GGACT: variants seen among roughly 807,000 people sequenced by gnomAD.
The protein encoded by GGACT is gamma-glutamylaminecyclotransferase.
For synonymous variants in GGACT, 118 were observed against 115.3 expected, an observed-to-expected ratio of 1.02 and a Z score of -0.15; for missense variants, 241 against 233.2, an observed-to-expected ratio of 1.03 and a Z score of -0.22.
intron 2 of GGACT, among the ~76,000 whole-genome samples, chr13:100,544,342 C>T (rs936358920): frequency 6.6e-5 from 10 of 152,234 alleles, no homozygotes; most frequent in African/African-American, 2.4e-4. Context: ...GTCACTCTTC[C>T]CCGCGCGGCT....
chr13:100,547,585 T>C (rs1396833376), intron 2 of GGACT, among the ~76,000 whole-genome samples: 2 of 152,246 alleles, frequency 1.3e-5, no homozygotes, highest in African/African-American at 4.8e-5. Context: ...GCAGGCTTCA[T>C]AGCCCCGAAT....
chr13:100,551,509 G>C (rs1379014424), intron 2 of GGACT, among the ~76,000 whole-genome samples: 1 of 152,202 alleles, frequency 6.6e-6, no homozygotes, highest in African/African-American at 2.4e-5. Context: ...GAAGGAAAAA[G>C]GGATTTCTCC....
At chr13:100,584,145 T>A (rs1009618056) in intron 1 of GGACT, 148 bp from the exon 2 acceptor site, 4 of 152,166 alleles carry the variant, frequency 2.6e-5, no homozygotes, top group Admixed American at 2.6e-4. Context: ...AATATACTTA[T>A]ATTCAGTGCA....
chr13:100,554,393 A>C (rs2088694445), intron 2 of GGACT, among the ~76,000 whole-genome samples: 1 of 152,198 alleles, frequency 6.6e-6, no homozygotes, highest in African/African-American at 2.4e-5. Context: ...AAGACAGTTT[A>C]TTGCATTAGA....
At chr13:100,533,505 A>T (rs1374164185) in intron 2 of GGACT, 2 of 152,260 alleles carry the variant, frequency 1.3e-5, no homozygotes, top group Admixed American at 1.3e-4. Context: ...AAAATTGCCA[A>T]TAACTATTAA....
intron 1 of GGACT, among the ~76,000 whole-genome samples, chr13:100,587,386 G>A (rs141428177): frequency 0.014 from 2,176 of 152,228 alleles, 38 homozygotes; most frequent in Middle Eastern, 0.017. Context: ...AAGTATTTCC[G>A]TACAAAAATC....
intron 2 of GGACT, among the ~76,000 whole-genome samples, chr13:100,565,580 C>A (rs1460832084): frequency 6.6e-6 from 1 of 152,144 alleles, no homozygotes; most frequent in Non-Finnish European, 1.5e-5. Flanking sequence ...CAGGTTAACC[C>A]CCCTTTCCTC....
At position 100,558,563 on chromosome 13, in the gene GGACT, A is replaced by G. The variant is rs377113508; in HGVS notation, c.-11+25262T>C. Among the ~76,000 whole-genome samples, 220 of 152,370 alleles carry G rather than the reference A, an allele frequency of 1.4e-3. 1 individual carries two copies. The highest frequency in any genetic ancestry group is 5.0e-3 in the African/African-American group (207 of 41,594). On this transcript the variant is annotated intron_variant, in intron 2 of 2. Coordinates refer to ENST00000683975, the MANE Select transcript of GGACT (RefSeq NM_001195087.2). ...ATTGCTTCTGGGAATTCAAAATGGT[A>G]CAGCAACTCTGGAAAGCAGTTTGAC...
intron 2 of GGACT, among the ~76,000 whole-genome samples, chr13:100,575,649 A>T (rs1875226574): frequency 6.6e-6 from 1 of 152,174 alleles, no homozygotes; most frequent in African/African-American, 2.4e-5. Flanking sequence ...CTGTGGTCCC[A>T]GCTACTTGGG....
chr13:100,575,166 C>A (rs774208345), intron 2 of GGACT, among the ~76,000 whole-genome samples: 1 of 152,164 alleles, frequency 6.6e-6, no homozygotes, highest in South Asian at 2.1e-4. Context: ...CAGGAATCTT[C>A]GTTCTGTGTC....
chr13:100,574,694 G>A (rs1875198138), intron 2 of GGACT, among the ~76,000 whole-genome samples: 3 of 152,178 alleles, frequency 2.0e-5, no homozygotes, highest in Admixed American at 2.0e-4. Context: ...AGAGAACGGA[G>A]GGAGGCAGGG....
At position 100,532,420 on chromosome 13, in the gene GGACT, C is replaced by G. The variant is rs943935063; in HGVS notation, c.172G>C (p.Gly58Arg). 3.9e-6 allele frequency: 6 copies of G among 1,549,940 alleles called. No individual in the cohort carries two copies. In the African/African-American group the frequency reaches 8.2e-5, roughly 21 times the overall value. ...TCGCCCTCCACGAGGCGCCCCGAGC[C>G]GGGCAGGTGCAGCAGCCACGGGATG... The part of the protein sequence containing the change: ...HNIPWLLHLP[G>R]SGRLVEGEVY... The change falls in exon 3 of 3, where the codon GGC (glycine) becomes CGC (arginine). Residue 58 changes from glycine to arginine, a missense_variant. Coordinates refer to ENST00000683975, the MANE Select transcript of GGACT (RefSeq NM_001195087.2).
chr13:100,564,674 T>G (rs1223986477), intron 2 of GGACT, among the ~76,000 whole-genome samples: 1 of 152,228 alleles, frequency 6.6e-6, no homozygotes, highest in African/African-American at 2.4e-5. Context: ...GTTTTTACTT[T>G]CATGATTCAA....
In GGACT at chr13:100,545,732, T is replaced by C. The variant is rs1412502216; in HGVS notation, c.-10-13131A>G. Among the ~76,000 whole-genome samples the C allele has an allele frequency of 6.6e-6, 1 of 152,218 alleles. No homozygotes were observed. Among genetic ancestry groups the C allele is most frequent in the East Asian group, 1.9e-4 (1 of 5,202 alleles). On this transcript the variant is annotated intron_variant, in intron 2 of 2. Transcript: ENST00000683975. This position sits in a 1 kb window ranked among gnomAD's most constrained non-coding sequence, Gnocchi z 4.4. ...GAGTGGAGAGCCCAGGAGTGTGGGA[T>C]CGTGGTAGACCCAGGGTGTGGGGCT...
At chr13:100,584,416 C>T (rs896380283) in intron 1 of GGACT, among the ~76,000 whole-genome samples, 12 of 151,680 alleles carry the variant, frequency 7.9e-5, no homozygotes, top group Middle Eastern at 3.2e-3. Flanking sequence ...TTGTGGGAGC[C>T]AAAAATTAAA....
Position 100,530,277 on chromosome 13 carries a change from ACGT to A in GGACT, c.*1850_*1852del, listed in dbSNP as rs2088309233. ...GGAACACCCCTGTGCAGCTACGTTTACGTCGTCATTTATTCCACAGAGTCAAGA... is the reference window on the plus strand; with the variant it reads ...GGAACACCCCTGTGCAGCTACGTTTACGTCATTTATTCCACAGAGTCAAGA... On this transcript the variant is annotated 3_prime_UTR_variant, in exon 3 of 3. Coordinates refer to ENST00000683975, the MANE Select transcript of GGACT (RefSeq NM_001195087.2). 11 of 877,466 alleles carry A rather than the reference ACGT, an allele frequency of 1.3e-5. No individual in the cohort carries two copies. The South Asian group carries it at 1.4e-4, about 11-fold the overall frequency. The allele number at this position is 877,466 out of a possible 1,614,324, so 54.4% of individuals were successfully genotyped here.
intron 2 of GGACT, among the ~76,000 whole-genome samples, chr13:100,571,910 A>G (rs1465657421): frequency 1.3e-5 from 2 of 152,268 alleles, no homozygotes; most frequent in African/African-American, 4.8e-5. Flanking sequence ...TGCCTTGCAT[A>G]TATCTTGTAT....
intron 2 of GGACT, among the ~76,000 whole-genome samples, chr13:100,561,680 AG>A (rs1358134565): frequency 6.6e-6 from 1 of 152,232 alleles, no homozygotes; most frequent in Non-Finnish European, 1.5e-5. Context: ...TCCTGTACTT[AG>A]AAGAACCCAG....
intron 2 of GGACT, among the ~76,000 whole-genome samples, chr13:100,550,994 AAAC>A (rs1325175690): frequency 1.3e-5 from 2 of 152,342 alleles, no homozygotes; most frequent in South Asian, 2.1e-4. Context: ...CTTAATTAAA[AAAC>A]AACAAGGCCG....
Sources: gnomAD v4.1 joint callset for allele counts (sites outside exome capture counted in the v4.1 genomes callset) on GRCh38, gnomAD v4.1.1 for gene constraint, Gnocchi (gnomAD v3.1) non-coding constraint, MANE v1.5 for transcripts, NCBI Gene and HGNC (gene_info 2026-07-23, HGNC 2026-07-21) for gene names.